The following RBFOX2 variants were observed in gnomAD, a reference collection of about 807,000 sequenced individuals.
RBFOX2 encodes the protein RNA binding fox-1 homolog 2, also known as RNA binding protein fox-1 homolog 2.
In RBFOX2, 10 loss-of-function variants were observed where a neutral mutation model predicts 49.1. The observed-to-expected ratio is 0.20, with a 90% CI of 0.13 to 0.35. The LOEUF (loss-of-function observed/expected upper bound fraction) is 0.35, where lower values mean the gene tolerates loss of function less well. Among genes scored for constraint, RBFOX2 ranks in the 10% least tolerant of loss-of-function variants. The pLI is 1.00. For missense variants in RBFOX2, 323 were observed against 486.9 expected (o/e 0.66, Z 3.17); for synonymous variants, 183 against 187.4 (o/e 0.98, Z 0.19).
intron 1 of RBFOX2, among the ~76,000 whole-genome samples, chr22:35,927,831 C>G (rs1262290587): frequency 1.3e-5 from 2 of 152,102 alleles, no homozygotes; most frequent in Non-Finnish European, 2.9e-5. Flanking sequence ...ATTTCCTTCA[C>G]AAAGACCTCT....
At chr22:35,929,698 C>T in intron 1 of RBFOX2, among the ~76,000 whole-genome samples, 1 of 151,980 alleles carries the variant, frequency 6.6e-6, no homozygotes, top group Admixed American at 6.6e-5. Flanking sequence ...GTTGCCCACG[C>T]TGGTCTTGAA....
intron 1 of RBFOX2, among the ~76,000 whole-genome samples, chr22:35,901,583 G>C (rs981206474): frequency 3.3e-5 from 5 of 152,180 alleles, no homozygotes; most frequent in African/African-American, 4.8e-5. Flanking sequence ...TGCTACTACT[G>C]ATGTCATTCA....
intron 1 of RBFOX2, among the ~76,000 whole-genome samples, chr22:35,882,289 G>A (rs755322221): frequency 3.9e-5 from 6 of 152,158 alleles, no homozygotes; most frequent in Non-Finnish European, 7.3e-5. Flanking sequence ...CTACAGATAG[G>A]TCAAGTAAGA....
At chr22:35,897,730 G>A in intron 1 of RBFOX2, 1 of 828,800 alleles carries the variant, frequency 1.2e-6, no homozygotes, top group Non-Finnish European at 2.1e-6. Flanking sequence ...AAGGGGTATA[G>A]CACCAAACCA....
intron 1 of RBFOX2, among the ~76,000 whole-genome samples, chr22:35,853,089 T>G (rs2042124289): frequency 6.6e-6 from 1 of 151,564 alleles, no homozygotes; most frequent in African/African-American, 2.4e-5. Context: ...AGGTCAGGAG[T>G]TTGAGACCAG....
At chr22:36,027,750 C>A (rs1165042084) in intron 1 of RBFOX2, among the ~76,000 whole-genome samples, 4 of 152,124 alleles carry the variant, frequency 2.6e-5, no homozygotes, top group Non-Finnish European at 4.4e-5. Flanking sequence ...CCCCTCGGGG[C>A]TCTCTCGAGG....
intron 11 of RBFOX2, 86 bp downstream of exon 13, chr22:35,745,837 T>C (rs1932439157): frequency 7.3e-6 from 10 of 1,373,224 alleles, no homozygotes; most frequent in Non-Finnish European, 1.0e-5. Flanking sequence ...AAGGCTGAAT[T>C]TACTACCTCC....
Position 36,023,371 on chromosome 22 carries a change from G to A in RBFOX2, c.186+4869C>T, listed in dbSNP as rs573280772. 7.2e-5 allele frequency among the ~76,000 whole-genome samples: 11 copies of A among 152,202 alleles called. No individual in the cohort carries two copies. The South Asian group carries it at 1.7e-3, about 23-fold the overall frequency. On this transcript the variant is annotated intron_variant, in intron 1 of 13. Transcript: ENST00000438146. ...GATTTATGACTCTATGGTGAGAAGCGGTTACTTGGCCATATAATAATTATA... is the reference window on the plus strand; with the variant it reads ...GATTTATGACTCTATGGTGAGAAGCAGTTACTTGGCCATATAATAATTATA...
chr22:35,973,589 C>T (rs992809996), intron 1 of RBFOX2, among the ~76,000 whole-genome samples: 8 of 152,306 alleles, frequency 5.3e-5, no homozygotes, highest in Middle Eastern at 3.4e-3. Flanking sequence ...GTCAGCCCCT[C>T]AGACACAACC....
At chr22:35,826,326 G>C (rs551574276) in intron 1 of RBFOX2, among the ~76,000 whole-genome samples, 53 of 113,082 alleles carry the variant, frequency 4.7e-4, no homozygotes, top group African/African-American at 1.8e-3. Context: ...TGGGCAACAA[G>C]AGCGAAACTC....
At position 35,807,953 on chromosome 22, in the gene RBFOX2, T is replaced by C. The variant is rs143578977; in HGVS notation, c.252+1827A>G. On this transcript the variant is annotated intron_variant, in intron 2 of 11. Transcript: ENST00000405409. The stretch of plus-strand genomic sequence containing the variant: ...GATTATATGAAATTATGAATAACTT[T>C]ATACCAACAAAATTGACAATTTATA... Among the ~76,000 whole-genome samples, 1,043 of 152,066 alleles carry C rather than the reference T, an allele frequency of 6.9e-3. 4 individuals carry two copies. The highest frequency in any genetic ancestry group is 9.9e-3 in the Non-Finnish European group (672 of 67,974).
chr22:35,796,810 C>A (rs901445430), intron 2 of RBFOX2, among the ~76,000 whole-genome samples: 1 of 152,136 alleles, frequency 6.6e-6, no homozygotes, highest in Non-Finnish European at 1.5e-5. Flanking sequence ...ACTATCATCA[C>A]GGATCTCATC....
At chr22:35,893,869 G>A (rs1228998237) in intron 1 of RBFOX2, among the ~76,000 whole-genome samples, 1 of 151,788 alleles carries the variant, frequency 6.6e-6, no homozygotes, top group African/African-American at 2.4e-5. Context: ...AGGGCAAAGG[G>A]AAACTTTCAA....
At chr22:35,866,480 T>C (rs2043693520) in intron 1 of RBFOX2, among the ~76,000 whole-genome samples, 2 of 152,186 alleles carry the variant, frequency 1.3e-5, no homozygotes, top group East Asian at 3.8e-4. Flanking sequence ...AAAACAAAAC[T>C]ACAGACTTCT....
At chr22:35,974,681 C>T (rs1164290814) in intron 1 of RBFOX2, among the ~76,000 whole-genome samples, 2 of 151,914 alleles carry the variant, frequency 1.3e-5, no homozygotes, top group East Asian at 1.9e-4. Context: ...AGCGAGACTC[C>T]GTATCAAAAA....
intron 9 of RBFOX2, chr22:35,747,872 G>C (rs1204180088): frequency 6.6e-6 from 1 of 151,952 alleles, no homozygotes; most frequent in Non-Finnish European, 1.5e-5. Flanking sequence ...TCAAATGTTC[G>C]ATTTTTCTAA....
At chr22:35,754,037 C>A (rs1261840262) in intron 9 of RBFOX2, among the ~76,000 whole-genome samples, 2 of 151,446 alleles carry the variant, frequency 1.3e-5, no homozygotes, top group African/African-American at 4.9e-5. Flanking sequence ...CCTGCCTCGG[C>A]CTCCCAAAGT....
intron 6 of RBFOX2, 111 bp downstream of exon 7, chr22:35,765,312 A>G (rs1186431620): frequency 3.9e-6 from 3 of 777,482 alleles, no homozygotes; most frequent in Non-Finnish European, 6.1e-6. Flanking sequence ...AGACTACTTC[A>G]ACACAAATCA....
intron 2 of RBFOX2, among the ~76,000 whole-genome samples, chr22:35,804,685 CAT>C (rs1950384734): frequency 6.6e-6 from 1 of 151,872 alleles, no homozygotes. Context: ...AAACTGAACA[CAT>C]AAAAAAACAA....
Sources: allele counts gnomAD v4.1 joint callset (sites outside exome capture counted in the v4.1 genomes callset), GRCh38; gene constraint gnomAD v4.1.1; transcripts MANE v1.5; gene names NCBI Gene and HGNC (gene_info 2026-07-23, HGNC 2026-07-21).